FARS2: variants seen among roughly 807,000 people sequenced by gnomAD.
The protein encoded by FARS2 is phenylalanine--tRNA ligase, mitochondrial.
FARS2 carries 40 observed loss-of-function variants against 46.4 expected under a neutral mutation model. That is an observed-to-expected ratio of 0.86 (90% CI 0.67 to 1.12). The LOEUF (loss-of-function observed/expected upper bound fraction) is 1.12. Ranked by LOEUF, FARS2 falls within the 50% of genes most tolerant of loss-of-function variation. FARS2 has a pLI of 0.00. For synonymous variants in FARS2, 234 were observed against 214.9 expected (o/e 1.09, Z -0.78); for missense variants, 513 against 567.9 (o/e 0.90, Z 0.98).
intron 1 of FARS2, among the ~76,000 whole-genome samples, chr6:5,355,374 G>C (rs4960081): frequency 7.6e-6 from 1 of 131,686 alleles, no homozygotes; most frequent in Non-Finnish European, 1.6e-5. Context: ...TTTCCTTTTT[G>C]TTTTTTTTTT....
rs1771677302 is a variant in FARS2 at position 5,556,641 on chromosome 6, G to T, written c.1065+11301G>T. ...GTATGTTTTACATATTTGGATTATT[G>T]TAACTCCATATTTCTTTCTTGTTTA... On this transcript the variant is annotated intron_variant, in intron 5 of 6. Coordinates refer to ENST00000274680, the MANE Select transcript of FARS2 (RefSeq NM_006567.5). Among the ~76,000 whole-genome samples, 3 of 150,720 alleles carry T rather than the reference G, an allele frequency of 2.0e-5. No individual in the cohort carries two copies. In the South Asian group the frequency reaches 6.3e-4, roughly 32 times the overall value.
chr6:5,513,733 T>G (rs912225847), intron 4 of FARS2, among the ~76,000 whole-genome samples: 1 of 152,198 alleles, frequency 6.6e-6, no homozygotes, highest in Non-Finnish European at 1.5e-5. Context: ...TTTAGTTTCC[T>G]GATCTCATTC....
At chr6:5,756,693 A>G (rs1456833346) in intron 6 of FARS2, among the ~76,000 whole-genome samples, 1 of 152,250 alleles carries the variant, frequency 6.6e-6, no homozygotes. Flanking sequence ...CAAAAAAATC[A>G]TATTAACATT....
At chr6:5,362,639 A>T (rs527412265) in intron 1 of FARS2, among the ~76,000 whole-genome samples, 2 of 152,184 alleles carry the variant, frequency 1.3e-5, no homozygotes, top group Non-Finnish European at 2.9e-5. Context: ...CTATTTTTAA[A>T]TTTTTTTGAA....
chr6:5,326,076 T>C (rs1422242427), intron 1 of FARS2, among the ~76,000 whole-genome samples: 1 of 152,214 alleles, frequency 6.6e-6, no homozygotes, highest in Non-Finnish European at 1.5e-5. Flanking sequence ...CAGTTTAGAA[T>C]ATGCACACTC....
chr6:5,391,946 A>G (rs144923521), intron 2 of FARS2, among the ~76,000 whole-genome samples: 1 of 152,314 alleles, frequency 6.6e-6, no homozygotes, highest in Non-Finnish European at 1.5e-5. Flanking sequence ...ATTCTGGGTC[A>G]TTTGGATTTG....
the FARS2 span, among the ~76,000 whole-genome samples, chr6:5,254,684 G>C: frequency 1.3e-5 from 2 of 152,146 alleles, no homozygotes; most frequent in Non-Finnish European, 2.9e-5. Context: ...CTGGCTGTCA[G>C]GCTTGGCACA....
At chr6:5,621,800 C>T (rs1775788396) in intron 6 of FARS2, among the ~76,000 whole-genome samples, 1 of 152,218 alleles carries the variant, frequency 6.6e-6, no homozygotes, top group African/African-American at 2.4e-5. Context: ...TCAGGATACA[C>T]CTGAATCAAA....
At chr6:5,371,460 A>G (rs1357147518) in intron 2 of FARS2, among the ~76,000 whole-genome samples, 2 of 152,200 alleles carry the variant, frequency 1.3e-5, no homozygotes, top group Non-Finnish European at 2.9e-5. Flanking sequence ...ACAGAGGTGC[A>G]GGGTAAAAAA....
rs1773309959 is a variant in FARS2 at position 5,581,235 on chromosome 6, A to G, written c.1066-31934A>G. ...CACCGAGTGCAGCTGAGGAGAGAAA[A>G]ACAACACCCAAGAAACAGTTTCAGA... On this transcript the variant is annotated intron_variant, in intron 5 of 6. Transcript: ENST00000274680. 2.0e-5 allele frequency among the ~76,000 whole-genome samples: 3 copies of G among 152,210 alleles called. No homozygotes were observed. In the South Asian group the frequency reaches 6.2e-4, roughly 32 times the overall value.
intron 1 of FARS2, among the ~76,000 whole-genome samples, chr6:5,307,501 A>G (rs1422999811): frequency 6.6e-6 from 1 of 152,218 alleles, no homozygotes; most frequent in African/African-American, 2.4e-5. Context: ...GCGTGCACAC[A>G]CACATGCACA....
chr6:5,743,793 ACT>A (rs1761483598), intron 6 of FARS2, among the ~76,000 whole-genome samples: 1 of 152,124 alleles, frequency 6.6e-6, no homozygotes, highest in Non-Finnish European at 1.5e-5. Flanking sequence ...CAGCTGTTTC[ACT>A]CTCCTTGGAG....
intron 4 of FARS2, among the ~76,000 whole-genome samples, chr6:5,469,314 A>G (rs1215288152): frequency 6.6e-6 from 1 of 151,984 alleles, no homozygotes; most frequent in Non-Finnish European, 1.5e-5. Flanking sequence ...GGTTCTCACT[A>G]CCTCACAGCA....
chr6:5,556,455 T>G (rs182017260), intron 5 of FARS2, among the ~76,000 whole-genome samples: 17 of 151,986 alleles, frequency 1.1e-4, no homozygotes, highest in Admixed American at 3.3e-4. Flanking sequence ...TCAGCTTGCT[T>G]TGCCAACACT....
chr6:5,541,073 A>G (rs1283445430), intron 4 of FARS2, among the ~76,000 whole-genome samples: 1 of 152,196 alleles, frequency 6.6e-6, no homozygotes, highest in Non-Finnish European at 1.5e-5. Context: ...CACTTAGAAT[A>G]TGTAAGAGTT....
chr6:5,475,068 G>C (rs1390891814), intron 4 of FARS2, among the ~76,000 whole-genome samples: 1 of 152,144 alleles, frequency 6.6e-6, no homozygotes, highest in Non-Finnish European at 1.5e-5. Context: ...CCATATACAA[G>C]GTGGAAATTG....
chr6:5,360,678 T>C (rs760910281), intron 1 of FARS2, among the ~76,000 whole-genome samples: 5 of 152,182 alleles, frequency 3.3e-5, no homozygotes, highest in Admixed American at 6.5e-5. Flanking sequence ...AAGGTAGATA[T>C]CTAGATAATG....
chr6:5,460,829 T>C (rs1216314528), intron 4 of FARS2, among the ~76,000 whole-genome samples: 3 of 152,142 alleles, frequency 2.0e-5, no homozygotes, highest in African/African-American at 7.2e-5. Flanking sequence ...TGGAGAAACC[T>C]AATTTACTCA....
At chr6:5,769,281 T>G (rs74980461) in intron 6 of FARS2, among the ~76,000 whole-genome samples, 1 of 152,196 alleles carries the variant, frequency 6.6e-6, no homozygotes, top group Admixed American at 6.5e-5. Flanking sequence ...ACCAAATAAC[T>G]GTAAATGGAG....
Sources: allele counts gnomAD v4.1 joint callset (sites outside exome capture counted in the v4.1 genomes callset), GRCh38; gene constraint gnomAD v4.1.1; transcripts MANE v1.5; gene names NCBI Gene and HGNC (gene_info 2026-07-23, HGNC 2026-07-21).